Variants in NAV3 observed in about 807,000 individuals in gnomAD.
The protein encoded by NAV3 is pore membrane and/or filament interacting like protein 1.
NAV3 carries 87 observed loss-of-function variants against 244.7 expected under a neutral mutation model. The ratio of observed to expected loss-of-function variants is 0.36; its 90% CI spans 0.30 to 0.42. The LOEUF (loss-of-function observed/expected upper bound fraction) is 0.42, where lower values mean the gene tolerates loss of function less well. Among genes scored for constraint, NAV3 ranks in the 20% least tolerant of loss-of-function variants. NAV3 has a pLI of 1.00. For missense variants in NAV3, 2,663 were observed against 2,893.3 expected (o/e 0.92, Z 1.83); for synonymous variants, 1,126 against 1,042.2 (o/e 1.08, Z -1.55).
intron 2 of NAV3, among the ~76,000 whole-genome samples, chr12:77,734,665 A>T (rs914410606): frequency 3.9e-5 from 6 of 152,144 alleles, no homozygotes; most frequent in African/African-American, 1.2e-4. Context: ...TTATTTTTTT[A>T]AACCTCCAAA....
chr12:78,016,732 T>C (rs1876279751), intron 8 of NAV3, among the ~76,000 whole-genome samples: 1 of 152,198 alleles, frequency 6.6e-6, no homozygotes, highest in South Asian at 2.1e-4. Flanking sequence ...ACCATATCTA[T>C]ATCAAGATGG....
At chr12:77,710,201 G>A (rs1876040732) in intron 2 of NAV3, among the ~76,000 whole-genome samples, 1 of 152,100 alleles carries the variant, frequency 6.6e-6, no homozygotes, top group Non-Finnish European at 1.5e-5. Flanking sequence ...TCATTAAAAG[G>A]TTCTGCTCTT....
intron 1 of NAV3, among the ~76,000 whole-genome samples, chr12:77,890,314 C>T (rs1166881350): frequency 1.7e-4 from 26 of 151,936 alleles, no homozygotes; most frequent in Admixed American, 1.5e-3. Context: ...TGGGGTTTCA[C>T]CCTGTTGCCC....
intron 2 of NAV3, among the ~76,000 whole-genome samples, chr12:77,672,688 T>TGG (rs1874036241): frequency 6.6e-6 from 1 of 151,486 alleles, no homozygotes; most frequent in Admixed American, 6.6e-5. Flanking sequence ...GGGGAAAGGG[T>TGG]GGGAGTGGGG....
At chr12:77,702,725 T>C (rs1875616114) in intron 2 of NAV3, among the ~76,000 whole-genome samples, 1 of 152,044 alleles carries the variant, frequency 6.6e-6, no homozygotes, top group Non-Finnish European at 1.5e-5. Flanking sequence ...GCTATTGTTA[T>C]ATTTTAGTTT....
At chr12:77,784,682 G>T (rs545439822) in intron 2 of NAV3, among the ~76,000 whole-genome samples, 1 of 152,256 alleles carries the variant, frequency 6.6e-6, no homozygotes, top group African/African-American at 2.4e-5. Context: ...CCTCATTAAA[G>T]CCAGGATCTG....
At chr12:78,100,358 TC>T (rs1010989618) in intron 12 of NAV3, among the ~76,000 whole-genome samples, 2 of 151,856 alleles carry the variant, frequency 1.3e-5, no homozygotes, top group Non-Finnish European at 2.9e-5. Flanking sequence ...ATGGATTTTT[TC>T]CCCCACACTT....
At position 77,689,091 on chromosome 12, in the gene NAV3, T is replaced by C. The variant is rs147640920; in HGVS notation, c.72+116825T>C. On this transcript the variant is annotated intron_variant, in intron 2 of 8. Coordinates refer to the NAV3 transcript ENST00000550042. ...GGGTTGAGTGTACTATTAAAGATTT[T>C]ATCAATAGGACCAAATATGAAAGAT... Among the ~76,000 whole-genome samples the C allele has an allele frequency of 8.4e-3, 1,281 of 152,020 alleles. 6 individuals carry two copies. Among genetic ancestry groups the C allele is most frequent in the Middle Eastern group, 0.017 (5 of 294 alleles).
At chr12:77,816,850 C>T (rs1872546658) in intron 2 of NAV3, among the ~76,000 whole-genome samples, 1 of 152,136 alleles carries the variant, frequency 6.6e-6, no homozygotes, top group African/African-American at 2.4e-5. Flanking sequence ...TCTAAACATC[C>T]TTGTGATTCC....
At chr12:77,868,666 G>C (rs1339247186) in intron 1 of NAV3, among the ~76,000 whole-genome samples, 1 of 150,726 alleles carries the variant, frequency 6.6e-6, no homozygotes, top group Non-Finnish European at 1.5e-5. Flanking sequence ...TGAGGCGGGA[G>C]GATTGCTAGA....
intron 9 of NAV3, among the ~76,000 whole-genome samples, chr12:78,031,893 T>A (rs182381019): frequency 0.01 from 1,574 of 151,164 alleles, 31 homozygotes; most frequent in African/African-American, 0.037. Flanking sequence ...AATAAAAAAA[T>A]AATAATAATA....
chr12:78,132,662 A>G (rs1956213921), intron 18 of NAV3, among the ~76,000 whole-genome samples: 1 of 152,120 alleles, frequency 6.6e-6, no homozygotes, highest in Non-Finnish European at 1.5e-5. Flanking sequence ...GTGTTTACCA[A>G]GTTGTTTTTC....
At chr12:78,144,402 A>T (rs1440444900) in intron 20 of NAV3, among the ~76,000 whole-genome samples, 1 of 152,118 alleles carries the variant, frequency 6.6e-6, no homozygotes, top group Non-Finnish European at 1.5e-5. Flanking sequence ...TAAAAAAAAA[A>T]TGGCAAATAA....
intron 1 of NAV3, among the ~76,000 whole-genome samples, chr12:77,921,446 A>G (rs1887705207): frequency 6.6e-6 from 1 of 152,148 alleles, no homozygotes; most frequent in African/African-American, 2.4e-5. Context: ...AAGTAGCCAT[A>G]CTTACATAAA....
chr12:78,190,300 C>G (rs1958916119), intron 34 of NAV3, 81 bp downstream of exon 34: 1 of 1,154,894 alleles, frequency 8.7e-7, no homozygotes, highest in Non-Finnish European at 1.2e-6. Context: ...TTTTGTGAGA[C>G]TTCCATGTTG....
At chr12:77,951,226 A>G (rs1890842408) in intron 3 of NAV3, among the ~76,000 whole-genome samples, 1 of 152,230 alleles carries the variant, frequency 6.6e-6, no homozygotes, top group Admixed American at 6.5e-5. Flanking sequence ...TTTACAAGAA[A>G]AAAACAAATA....
At position 77,573,028 on chromosome 12, in the gene NAV3, T is replaced by C. The variant is rs1009283001; in HGVS notation, c.72+762T>C. ...AGAGAGAGCCCCACTCGTACTGAAATGTATCATCTTTTGCAGTGCTCTTAT... is the reference window on the plus strand; with the variant it reads ...AGAGAGAGCCCCACTCGTACTGAAACGTATCATCTTTTGCAGTGCTCTTAT... On this transcript the variant is annotated intron_variant, in intron 2 of 8. Coordinates refer to the NAV3 transcript ENST00000550042. 5.3e-5 allele frequency among the ~76,000 whole-genome samples: 8 copies of C among 152,142 alleles called. 1 individual carries two copies. Among genetic ancestry groups the C allele is most frequent in the African/African-American group, 1.7e-4 (7 of 41,438 alleles).
chr12:77,779,586 A>G (rs1870563276), intron 2 of NAV3, among the ~76,000 whole-genome samples: 1 of 152,166 alleles, frequency 6.6e-6, no homozygotes, highest in South Asian at 2.1e-4. Context: ...TAACTTATTT[A>G]TATAATTTAA....
intron 2 of NAV3, among the ~76,000 whole-genome samples, chr12:77,776,219 A>C (rs573711386): frequency 6.6e-6 from 1 of 152,370 alleles, no homozygotes; most frequent in East Asian, 1.9e-4. Flanking sequence ...TATATTTGAA[A>C]AATGTAAAAC....
Sources: allele counts gnomAD v4.1 joint callset (sites outside exome capture counted in the v4.1 genomes callset), GRCh38; gene constraint gnomAD v4.1.1; transcripts MANE v1.5; gene names NCBI Gene and HGNC (gene_info 2026-07-23, HGNC 2026-07-21).